The following MAN1A2 variants were observed in gnomAD, a reference collection of about 807,000 sequenced individuals.
MAN1A2 encodes the protein mannosidase alpha class 1A member 2.
In MAN1A2, 26 loss-of-function variants were observed where a neutral mutation model predicts 75.7. The ratio of observed to expected loss-of-function variants is 0.34; its 90% CI spans 0.25 to 0.48. The LOEUF (loss-of-function observed/expected upper bound fraction) is 0.48. Ranked by LOEUF, MAN1A2 falls within the 20% of genes least tolerant of loss-of-function variation. The probability of loss-of-function intolerance (pLI) is 0.99; values close to 1 mark genes in which losing one functional copy is unlikely to be tolerated. For synonymous variants in MAN1A2, 247 were observed against 264.6 expected, an observed-to-expected ratio of 0.93 and a Z score of 0.65; for missense variants, 562 against 775.5, an observed-to-expected ratio of 0.72 and a Z score of 3.27.
At chr1:117,512,758 C>CACAT (rs1481482991) in intron 12 of MAN1A2, among the ~76,000 whole-genome samples, 1 of 151,082 alleles carries the variant, frequency 6.6e-6, no homozygotes, top group African/African-American at 2.4e-5. Context: ...GATACACACA[C>CACAT]ACACACACAC....
intron 4 of MAN1A2, 137 bp from the exon 5 acceptor site, chr1:117,420,432 G>C: frequency 1.6e-6 from 1 of 644,598 alleles, no homozygotes; most frequent in Non-Finnish European, 2.7e-6. Flanking sequence ...GATTGCAGTT[G>C]CATGAGAAAT....
chr1:117,411,469 T>A (rs999768473), intron 3 of MAN1A2, among the ~76,000 whole-genome samples: 10 of 151,686 alleles, frequency 6.6e-5, no homozygotes, highest in African/African-American at 1.4e-4. Context: ...AGTAAAAAAA[T>A]TTCAGTAGAA....
At chr1:117,414,096 G>A (rs1647910248) in intron 3 of MAN1A2, among the ~76,000 whole-genome samples, 1 of 151,356 alleles carries the variant, frequency 6.6e-6, no homozygotes, top group African/African-American at 2.4e-5. Flanking sequence ...TCTTAAAAGT[G>A]GATACATTTT....
intron 1 of MAN1A2, among the ~76,000 whole-genome samples, chr1:117,370,322 A>G (rs544592944): frequency 6.6e-6 from 1 of 152,302 alleles, no homozygotes; most frequent in African/African-American, 2.4e-5. Context: ...CAAGTGATAC[A>G]TGTGAGTCTG....
chr1:117,511,984 T>C (rs977244499), intron 12 of MAN1A2, among the ~76,000 whole-genome samples: 1 of 152,124 alleles, frequency 6.6e-6, no homozygotes, highest in Non-Finnish European at 1.5e-5. Flanking sequence ...ATTGAATCAT[T>C]TCATTTCAAA....
chr1:117,429,913 A>C (rs1570737127), intron 5 of MAN1A2, among the ~76,000 whole-genome samples: 1 of 55,856 alleles, frequency 1.8e-5, no homozygotes, highest in Admixed American at 1.6e-4. Flanking sequence ...GGGGCTCCTC[A>C]CTTCCCAGTA....
At chr1:117,404,763 A>G (rs1385385158) in intron 2 of MAN1A2, among the ~76,000 whole-genome samples, 1 of 152,122 alleles carries the variant, frequency 6.6e-6, no homozygotes, top group African/African-American at 2.4e-5. Context: ...TTTTTTAAAA[A>G]TAAATTTTAG....
chr1:117,507,915 AG>A (rs1172589039), intron 12 of MAN1A2, among the ~76,000 whole-genome samples: 7 of 151,738 alleles, frequency 4.6e-5, no homozygotes, highest in Admixed American at 2.0e-4. Context: ...GTTGGTCAAA[AG>A]TCTCTTAAGC....
intron 8 of MAN1A2, among the ~76,000 whole-genome samples, chr1:117,476,540 T>C (rs1243397761): frequency 6.6e-6 from 1 of 152,004 alleles, no homozygotes. Flanking sequence ...TTGTCTAAGG[T>C]GTAAGGAAGG....
chr1:117,493,943 A>G (rs1650966908), intron 9 of MAN1A2: 1 of 152,240 alleles, frequency 6.6e-6, no homozygotes, highest in South Asian at 2.1e-4. Context: ...ACACATTGAG[A>G]GCCTTATGGG....
intron 11 of MAN1A2, among the ~76,000 whole-genome samples, chr1:117,499,980 A>G (rs1236033376): frequency 1.3e-5 from 2 of 151,736 alleles, no homozygotes; most frequent in Non-Finnish European, 2.9e-5. Context: ...AGCACTAATT[A>G]TGGTGACTAT....
chr1:117,379,063 T>C (rs943449997), intron 1 of MAN1A2, among the ~76,000 whole-genome samples: 3 of 152,184 alleles, frequency 2.0e-5, no homozygotes, highest in Non-Finnish European at 4.4e-5. Flanking sequence ...ATTTATGGTC[T>C]CTACTCTGAA....
chr1:117,454,806 A>G (rs1182861701), intron 6 of MAN1A2, among the ~76,000 whole-genome samples: 1 of 152,084 alleles, frequency 6.6e-6, no homozygotes, highest in East Asian at 1.9e-4. Context: ...TTACCACAGT[A>G]GCACAGAGGA....
intron 6 of MAN1A2, among the ~76,000 whole-genome samples, chr1:117,446,658 A>T (rs947279866): frequency 1.3e-5 from 2 of 151,866 alleles, no homozygotes; most frequent in Non-Finnish European, 2.9e-5. Context: ...TTACAATTTG[A>T]ATCCTTTCAA....
chr1:117,462,845 A>G (rs561178631), intron 7 of MAN1A2, among the ~76,000 whole-genome samples: 1 of 152,170 alleles, frequency 6.6e-6, no homozygotes, highest in African/African-American at 2.4e-5. Context: ...AAGTCAAGAT[A>G]ATGACAAATA....
chr1:117,425,582 C>T (rs145163984), intron 5 of MAN1A2, among the ~76,000 whole-genome samples: 1 of 152,280 alleles, frequency 6.6e-6, no homozygotes, highest in African/African-American at 2.4e-5. Flanking sequence ...ACTATGTCAA[C>T]AGACTAAAGA....
intron 8 of MAN1A2, among the ~76,000 whole-genome samples, chr1:117,487,091 A>G (rs891542233): frequency 2.0e-5 from 3 of 152,022 alleles, no homozygotes; most frequent in African/African-American, 7.2e-5. Context: ...TCTGGGGGAA[A>G]ATTATTTCCA....
intron 6 of MAN1A2, among the ~76,000 whole-genome samples, chr1:117,453,310 A>G (rs776206784): frequency 3.3e-5 from 5 of 152,226 alleles, no homozygotes; most frequent in Admixed American, 1.3e-4. Context: ...ATATATAGTG[A>G]TTCCTCTGAC....
Position 117,502,875 on chromosome 1 carries a change from A to T in MAN1A2, c.1698A>T (p.Arg566=). 2 of 1,600,998 alleles carry T rather than the reference A, an allele frequency of 1.2e-6. No individual in the cohort carries two copies. The highest frequency in any genetic ancestry group is 1.7e-6 in the Non-Finnish European group (2 of 1,169,970). ...EAALAIEKYC[R]VNGGFSGVKD... ...CATAGGCCATTGAAAAGTATTGCCG[A>T]GTTAATGGTGGGTTTTCTGGAGTCA... Residue 566 remains arginine (R), a synonymous_variant, in exon 12 of 13, where the codon CGA becomes CGT. Transcript: ENST00000356554.
Sources: allele counts gnomAD v4.1 joint callset (sites outside exome capture counted in the v4.1 genomes callset), GRCh38; gene constraint gnomAD v4.1.1; transcripts MANE v1.5; gene names NCBI Gene and HGNC (gene_info 2026-07-23, HGNC 2026-07-21).